NTRK3: variants seen among roughly 807,000 people sequenced by gnomAD.
NTRK3 encodes the protein NT-3 growth factor receptor.
Under a neutral mutation model 91.7 loss-of-function variants are expected in NTRK3, and 24 were observed. That is an observed-to-expected ratio of 0.26 (90% CI 0.19 to 0.37). The LOEUF (loss-of-function observed/expected upper bound fraction) is 0.37, where lower values mean the gene tolerates loss of function less well. Among genes scored for constraint, NTRK3 ranks in the 10% least tolerant of loss-of-function variants. The pLI, the probability that NTRK3 is intolerant of heterozygous loss-of-function variation, is 1.00. For synonymous variants in NTRK3, 483 were observed against 404.0 expected (o/e 1.20, Z -2.34); for missense variants, 880 against 1,068.9 (o/e 0.82, Z 2.46).
At chr15:88,215,375 T>C (rs1012570737) in intron 3 of NTRK3, among the ~76,000 whole-genome samples, 1 of 152,196 alleles carries the variant, frequency 6.6e-6, no homozygotes, top group Non-Finnish European at 1.5e-5. Context: ...CCCCAATAAC[T>C]GTCTCCCTCG....
rs59254719 is a variant in NTRK3, at chr15:88,159,943, T to TACACACACACACACACAC, written c.396-12558_396-12541dup. Among the ~76,000 whole-genome samples, 107 of 112,048 alleles carry TACACACACACACACACAC rather than the reference T, an allele frequency of 9.5e-4. 4 individuals carry two copies. Among genetic ancestry groups the TACACACACACACACACAC allele is most frequent in the East Asian group, 3.6e-3 (12 of 3,322 alleles). 73.5% of individuals were successfully genotyped at this position (112,048 alleles called of 152,430 possible). On this transcript the variant is annotated intron_variant, in intron 5 of 18. Coordinates refer to ENST00000394480, the Ensembl canonical transcript of NTRK3. ...TGCCTCCCCACCCCACCCAGCCTCCTACACACACACACACACACACACACA... is the reference window on the plus strand; with the variant it reads ...TGCCTCCCCACCCCACCCAGCCTCCTACACACACACACACACACACACACACACACACACACACACACA...
intron 5 of NTRK3, among the ~76,000 whole-genome samples, chr15:88,167,892 A>G (rs2045135371): frequency 6.6e-6 from 1 of 152,232 alleles, no homozygotes; most frequent in South Asian, 2.1e-4. Context: ...AGCTATAGTA[A>G]CTGAAAGGCC....
exon 19 of NTRK3, chr15:87,870,028 A>G: frequency 5.2e-6 from 1 of 191,872 alleles, no homozygotes; most frequent in Non-Finnish European, 1.1e-5. Context: ...CCGCAGCCCT[A>G]TTACTGGGTA....
intron 17 of NTRK3, among the ~76,000 whole-genome samples, chr15:87,912,047 C>T (rs563616961): frequency 1.3e-5 from 2 of 152,336 alleles, no homozygotes; most frequent in East Asian, 3.9e-4. Flanking sequence ...TTCTAATATT[C>T]CTTCCTCGCC....
chr15:87,966,561 G>A (rs1178456120), intron 14 of NTRK3, among the ~76,000 whole-genome samples: 1 of 152,104 alleles, frequency 6.6e-6, no homozygotes, highest in Non-Finnish European at 1.5e-5. Flanking sequence ...TGACACTCTC[G>A]ATGTTCCCAC....
intron 5 of NTRK3, among the ~76,000 whole-genome samples, chr15:88,180,155 C>T (rs141726274): frequency 1.3e-5 from 2 of 152,252 alleles, no homozygotes; most frequent in African/African-American, 4.8e-5. Context: ...TAATCTTGAC[C>T]ACATCCCATC....
intron 14 of NTRK3, among the ~76,000 whole-genome samples, chr15:87,966,824 G>C (rs925001257): frequency 6.6e-6 from 1 of 152,158 alleles, no homozygotes; most frequent in Non-Finnish European, 1.5e-5. Context: ...CTAAAAAGTG[G>C]GGAGGTCCCC....
rs78223758 is a variant in NTRK3 at position 87,968,569 on chromosome 15, T to G, written c.1586-27816A>C. 3.4e-3 allele frequency among the ~76,000 whole-genome samples: 521 copies of G among 152,312 alleles called. 7 individuals carry two copies. In the East Asian group the frequency reaches 0.05, roughly 14 times the overall value. On this transcript the variant is annotated intron_variant, in intron 14 of 18. Coordinates refer to ENST00000394480, the Ensembl canonical transcript of NTRK3. Reference sequence around the variant, plus strand: ...GGAAAGAAACGAAAGTATTGATATCTTCAACAAAAGCAACACCTCCTAAAT... The same window carrying G: ...GGAAAGAAACGAAAGTATTGATATCGTCAACAAAAGCAACACCTCCTAAAT...
rs117176904 is a variant in NTRK3, at chr15:88,126,663, G to A, written c.1294-290C>T. Among the ~76,000 whole-genome samples, 9 of 152,254 alleles carry A rather than the reference G, an allele frequency of 5.9e-5. No individual in the cohort carries two copies. In the South Asian group the frequency reaches 1.0e-3, roughly 18 times the overall value. The stretch of plus-strand genomic sequence containing the variant: ...GATGCAAAAACAAGCCTAGAGAGGC[G>A]TCTGATTTTGTTTTAATTAGCAAGT... On this transcript the variant is annotated intron_variant, in intron 12 of 18. Transcript: ENST00000394480.
At chr15:88,217,764 A>ATTTTTTTT (rs57874235) in intron 3 of NTRK3, among the ~76,000 whole-genome samples, 1 of 143,726 alleles carries the variant, frequency 7.0e-6, no homozygotes, top group Non-Finnish European at 1.5e-5. Context: ...TTGTAGCACA[A>ATTTTTTTT]TTTTTTTTTT....
intron 14 of NTRK3, chr15:87,981,481 CT>C: frequency 1.5e-6 from 2 of 1,333,548 alleles, no homozygotes; most frequent in Non-Finnish European, 1.1e-6. Context: ...GGTTTCTCAG[CT>C]CCTGTACCCA....
chr15:87,899,390 C>T (rs2066319665), intron 17 of NTRK3, among the ~76,000 whole-genome samples: 2 of 151,356 alleles, frequency 1.3e-5, no homozygotes, highest in Non-Finnish European at 2.9e-5. Context: ...CCTTCCCCCA[C>T]CCCCTCAATT....
At chr15:87,993,650 T>C (rs2075457603) in intron 14 of NTRK3, among the ~76,000 whole-genome samples, 2 of 152,174 alleles carry the variant, frequency 1.3e-5, no homozygotes. Context: ...GGAAGATATA[T>C]ACTACACAGC....
intron 14 of NTRK3, chr15:87,978,905 G>GT: frequency 3.3e-6 from 1 of 307,480 alleles, no homozygotes; most frequent in Non-Finnish European, 6.1e-6. Context: ...AGGACAGCAT[G>GT]GTATCCTGGG....
chr15:88,033,123 C>T (rs2078703995), intron 13 of NTRK3, 78 bp from the exon 14 acceptor site: 3 of 1,329,050 alleles, frequency 2.3e-6, no homozygotes, highest in Non-Finnish European at 3.1e-6. Flanking sequence ...AGACAACCCC[C>T]AACTACTGTT....
intron 3 of NTRK3, among the ~76,000 whole-genome samples, chr15:88,199,048 C>G (rs764769442): frequency 6.6e-6 from 1 of 152,104 alleles, no homozygotes; most frequent in Non-Finnish European, 1.5e-5. Context: ...AACTCAGGAC[C>G]AAATGGACAT....
intron 3 of NTRK3, among the ~76,000 whole-genome samples, chr15:88,225,250 G>T (rs1479782568): frequency 1.3e-5 from 2 of 152,196 alleles, no homozygotes; most frequent in African/African-American, 4.8e-5. Context: ...TCCAATGCAG[G>T]TCGGGGTTTT....
intron 14 of NTRK3, among the ~76,000 whole-genome samples, chr15:87,943,480 T>A (rs1045141659): frequency 6.6e-6 from 1 of 152,026 alleles, no homozygotes; most frequent in Admixed American, 6.5e-5. Context: ...TCTAGAAACA[T>A]CTCTACAAAA....
At chr15:87,888,755 T>C (rs1365107110) in intron 17 of NTRK3, among the ~76,000 whole-genome samples, 1 of 152,072 alleles carries the variant, frequency 6.6e-6, no homozygotes, top group Non-Finnish European at 1.5e-5. Flanking sequence ...AACATACTCA[T>C]ACTAAAAATA....
Sources: allele counts gnomAD v4.1 joint callset (sites outside exome capture counted in the v4.1 genomes callset), GRCh38; gene constraint gnomAD v4.1.1; transcripts MANE v1.5; gene names NCBI Gene and HGNC (gene_info 2026-07-23, HGNC 2026-07-21).